ZNF704: variants seen among roughly 807,000 people sequenced by gnomAD.
The protein encoded by ZNF704 is zinc finger protein 704, also known as glucocorticoid induced gene 1.
In ZNF704, 10 loss-of-function variants were observed where a neutral mutation model predicts 44.7. The ratio of observed to expected loss-of-function variants is 0.22; its 90% CI spans 0.14 to 0.38. The LOEUF is 0.38. ZNF704 is among the 10% of genes least tolerant of loss of function. The pLI is 1.00. For synonymous variants in ZNF704, 211 were observed against 207.6 expected (o/e 1.02, Z -0.14); for missense variants, 390 against 545.5 (o/e 0.71, Z 2.84).
At chr8:80,708,974 T>G (rs1025865492) in intron 2 of ZNF704, among the ~76,000 whole-genome samples, 1 of 152,172 alleles carries the variant, frequency 6.6e-6, no homozygotes, top group African/African-American at 2.4e-5. Context: ...ACTTGGAATT[T>G]GATGGGAAAG....
chr8:80,876,332 G>A (rs1402359892), upstream of ZNF704, among the ~76,000 whole-genome samples: 1 of 152,200 alleles, frequency 6.6e-6, no homozygotes, highest in Non-Finnish European at 1.5e-5. Context: ...GCCAATAAGT[G>A]AATAATCAGT....
At chr8:80,820,352 T>C (rs1373961472) in intron 2 of ZNF704, among the ~76,000 whole-genome samples, 1 of 152,194 alleles carries the variant, frequency 6.6e-6, no homozygotes, top group Non-Finnish European at 1.5e-5. Context: ...TTTGGTTCAG[T>C]GCTATTGGGT....
chr8:80,838,554 G>C (rs1808620265), intron 1 of ZNF704, among the ~76,000 whole-genome samples: 1 of 151,020 alleles, frequency 6.6e-6, no homozygotes, highest in Non-Finnish European at 1.5e-5. Context: ...AACCAGGAAA[G>C]AGCAAGGGCA....
intron 7 of ZNF704, among the ~76,000 whole-genome samples, chr8:80,649,282 G>A (rs904064731): frequency 1.2e-4 from 18 of 152,136 alleles, no homozygotes; most frequent in East Asian, 3.9e-4. Flanking sequence ...CTGAGGTACC[G>A]GGTTCAACTC....
At chr8:80,726,860 C>G (rs559529701) in intron 2 of ZNF704, among the ~76,000 whole-genome samples, 1,673 of 148,448 alleles carry the variant, frequency 0.011, 39 homozygotes, top group African/African-American at 0.039. Flanking sequence ...CACACACAGA[C>G]ACACACAGTT....
At position 80,641,336 on chromosome 8, in the gene ZNF704, G is replaced by A; in HGVS notation, c.*30C>T. 1 of 1,487,814 alleles carries A rather than the reference G, an allele frequency of 6.7e-7. No homozygotes were observed. The highest frequency in any genetic ancestry group is 1.3e-5 in the South Asian group (1 of 78,660). The allele number at this position is 1,487,814 out of a possible 1,614,324, so 92.2% of individuals were successfully genotyped here. ...GGCAGGCCAGGGCAGGAGCGGCTCA[G>A]GGCCCTGAGCCCCTCTGCCTGGGGG... On this transcript the variant is annotated 3_prime_UTR_variant, in exon 9 of 9. Coordinates refer to ENST00000327835, the MANE Select transcript of ZNF704 (RefSeq NM_001033723.3).
Position 80,777,537 on chromosome 8 carries a change from T to C in ZNF704, c.221+43837A>G, listed in dbSNP as rs73268669. Among the ~76,000 whole-genome samples, 663 of 152,280 alleles carry C rather than the reference T, an allele frequency of 4.4e-3. 4 individuals are homozygous for C. Among genetic ancestry groups the C allele is most frequent in the African/African-American group, 0.015 (607 of 41,550 alleles). ...ACATTTTATTTTCTCTGTGTATCTT[T>C]ATATACACACAACACATGCATATAC... On this transcript the variant is annotated intron_variant, in intron 2 of 8. Coordinates refer to ENST00000327835, the MANE Select transcript of ZNF704 (RefSeq NM_001033723.3).
At chr8:80,825,371 G>C (rs1031734730) in intron 1 of ZNF704, among the ~76,000 whole-genome samples, 1 of 151,958 alleles carries the variant, frequency 6.6e-6, no homozygotes, top group Non-Finnish European at 1.5e-5. Context: ...AACAAGAAGA[G>C]CTAACTATCC....
intron 7 of ZNF704, among the ~76,000 whole-genome samples, chr8:80,655,684 C>T (rs1221425927): frequency 1.3e-5 from 2 of 152,164 alleles, no homozygotes; most frequent in African/African-American, 4.8e-5. Flanking sequence ...AAGCCTCACA[C>T]TAAAGATGCT....
chr8:80,829,158 T>C lies in ZNF704; in HGVS notation c.-21-7543A>G, dbSNP rs566349515. On this transcript the variant is annotated intron_variant, in intron 1 of 8. Transcript: ENST00000327835. The stretch of plus-strand genomic sequence containing the variant: ...GTTCACTGTTTTAATGACATCAATA[T>C]GCAATAGAAAGACATAAAATATTTC... Among the ~76,000 whole-genome samples, 6 of 152,298 alleles carry C rather than the reference T, an allele frequency of 3.9e-5. No individual in the cohort carries two copies. The South Asian group carries it at 1.2e-3, about 32-fold the overall frequency.
chr8:80,793,361 G>C (rs1807744516), intron 2 of ZNF704, among the ~76,000 whole-genome samples: 1 of 152,020 alleles, frequency 6.6e-6, no homozygotes, highest in South Asian at 2.1e-4. Flanking sequence ...GTATATGATG[G>C]GCTCAAGACT....
chr8:80,686,905 C>T (rs182279856), intron 4 of ZNF704, among the ~76,000 whole-genome samples: 62 of 152,150 alleles, frequency 4.1e-4, no homozygotes, highest in Admixed American at 3.4e-3. Flanking sequence ...ACGAAGAGAG[C>T]GAGTTCATAC....
At chr8:80,791,919 T>C (rs1405809009) in intron 2 of ZNF704, among the ~76,000 whole-genome samples, 1 of 152,192 alleles carries the variant, frequency 6.6e-6, no homozygotes, top group Non-Finnish European at 1.5e-5. Flanking sequence ...TAGGCTGGAC[T>C]TGAGTCTTGG....
At chr8:80,794,561 A>G (rs953385860) in intron 2 of ZNF704, among the ~76,000 whole-genome samples, 20 of 152,232 alleles carry the variant, frequency 1.3e-4, no homozygotes, top group African/African-American at 4.8e-4. Context: ...GAAACCAAAA[A>G]GTTACTTTAA....
intron 2 of ZNF704, among the ~76,000 whole-genome samples, chr8:80,732,198 C>G (rs1585987680): frequency 6.6e-6 from 1 of 152,186 alleles, no homozygotes; most frequent in East Asian, 1.9e-4. Context: ...TATGATAATC[C>G]AATTATATAC....
intron 1 of ZNF704, among the ~76,000 whole-genome samples, chr8:80,870,135 G>A (rs917870463): frequency 2.6e-5 from 4 of 152,108 alleles, no homozygotes; most frequent in Admixed American, 6.5e-5. Flanking sequence ...TAGTTAAGCT[G>A]AGCCTAGACT....
At chr8:80,860,269 T>C (rs561019543) in intron 1 of ZNF704, among the ~76,000 whole-genome samples, 1 of 152,160 alleles carries the variant, frequency 6.6e-6, no homozygotes, top group Non-Finnish European at 1.5e-5. Flanking sequence ...GGACAACATA[T>C]GAAATCAGTG....
intron 1 of ZNF704, among the ~76,000 whole-genome samples, chr8:80,850,931 T>C (rs537140502): frequency 6.6e-6 from 1 of 152,346 alleles, no homozygotes; most frequent in African/African-American, 2.4e-5. Context: ...GGCTGGGCTA[T>C]CACAGTTGCA....
chr8:80,795,770 T>C (rs1459494111), intron 2 of ZNF704, among the ~76,000 whole-genome samples: 2 of 151,920 alleles, frequency 1.3e-5, no homozygotes, highest in African/African-American at 2.4e-5. Context: ...AATGAAATTA[T>C]GTTCAACTGT....
Sources: gnomAD v4.1 joint callset for allele counts (sites outside exome capture counted in the v4.1 genomes callset) on GRCh38, gnomAD v4.1.1 for gene constraint, MANE v1.5 for transcripts, NCBI Gene and HGNC (gene_info 2026-07-23, HGNC 2026-07-21) for gene names.